Variants in PSIP1 observed in about 807,000 individuals in gnomAD.
PSIP1 encodes PC4 and SFRS1-interacting protein.
PSIP1 carries 19 observed loss-of-function variants against 74.7 expected under a neutral mutation model. That is an observed-to-expected ratio of 0.25 (90% CI 0.18 to 0.37). The LOEUF (loss-of-function observed/expected upper bound fraction) is 0.37, where lower values mean the gene tolerates loss of function less well. Among genes scored for constraint, PSIP1 ranks in the 10% least tolerant of loss-of-function variants. The pLI is 1.00. For missense variants in PSIP1, 601 were observed against 614.3 expected (o/e 0.98, Z 0.23); for synonymous variants, 222 against 195.3 (o/e 1.14, Z -1.14).
chr9:15,490,073 C>T lies in PSIP1; in HGVS notation c.201G>A (p.Lys67=). ...DIFPYSENKE[K]YGKPNKRKGF... is the part of the protein sequence containing the mutation. ...CTTTTCTTTTATTTGGTTTGCCATA[C>T]TTTTCCTTATTTTCTGAGTAAGGAA... is the stretch of plus-strand genomic sequence containing the variant. Residue 67 remains lysine (K), a synonymous_variant, in exon 4 of 16, where the codon AAG becomes AAA. Transcript: ENST00000380733. The T allele has an allele frequency of 1.2e-6, 2 of 1,605,224 alleles. No individual in the cohort carries two copies. The highest frequency in any genetic ancestry group is 2.2e-5 in the East Asian group (1 of 44,466).
chr9:15,510,615 G>A (rs908121987), intron 1 of PSIP1, among the ~76,000 whole-genome samples: 4 of 152,078 alleles, frequency 2.6e-5, no homozygotes, highest in Admixed American at 6.5e-5. Context: ...AAAGGGAGGG[G>A]GTGCATGGGA....
intron 1 of PSIP1, among the ~76,000 whole-genome samples, 190 bp downstream of exon 1, chr9:15,510,627 A>AG (rs1018660809): frequency 2.6e-4 from 40 of 151,850 alleles, no homozygotes; most frequent in African/African-American, 9.0e-4. Context: ...TGCATGGGAG[A>AG]GAAAAAGGCA....
chr9:15,482,580 C>G (rs1330131321), intron 6 of PSIP1, among the ~76,000 whole-genome samples: 2 of 152,138 alleles, frequency 1.3e-5, no homozygotes, highest in Non-Finnish European at 2.9e-5. Context: ...CCATCTCCTC[C>G]TTGTTAAGTC....
chr9:15,496,548 G>A (rs776236435), intron 3 of PSIP1, among the ~76,000 whole-genome samples: 5 of 152,018 alleles, frequency 3.3e-5, no homozygotes, highest in Middle Eastern at 3.2e-3. Context: ...CTCATTTTAC[G>A]TGTACCTTTT....
intron 3 of PSIP1, among the ~76,000 whole-genome samples, chr9:15,501,096 C>T (rs1344950682): frequency 6.6e-6 from 1 of 152,008 alleles, no homozygotes; most frequent in Non-Finnish European, 1.5e-5. Flanking sequence ...ATTATCCCCA[C>T]TTTACAAATG....
At position 15,478,495 on chromosome 9, in the gene PSIP1, C is replaced by T; in HGVS notation, c.611G>A (p.Cys204Tyr). ...RGRPKMVKQP[C>Y]PSESDIITEE... ...AACTCACATGTCACTCTCTGAAGGA[C>T]AGGGCTGTTTTACCATTTTGGGTCT... The change falls in exon 8 of 16, where the codon TGT becomes TAT. Residue 204 changes from cysteine to tyrosine, a missense_variant. Physicochemically the swap from Cys to Tyr is radical, Grantham distance 194 (BLOSUM62 -2). Around this residue, in one of 2 missense-constraint regions of PSIP1, gnomAD observed 538 missense variants for 507.6 expected, o/e 1.06. Transcript: ENST00000380733. 1 of 1,597,588 alleles carries T rather than the reference C, an allele frequency of 6.3e-7. No individual in the cohort carries two copies.
intron 3 of PSIP1, among the ~76,000 whole-genome samples, chr9:15,498,138 G>T (rs2037170514): frequency 6.6e-6 from 1 of 152,146 alleles, no homozygotes; most frequent in Non-Finnish European, 1.5e-5. Flanking sequence ...AGCCGGGAAT[G>T]GTGGCTCACA....
intron 10 of PSIP1, chr9:15,471,583 A>G (rs1315031541): frequency 2.1e-6 from 2 of 953,206 alleles, no homozygotes; most frequent in Admixed American, 1.2e-4. Context: ...AGAATAACTT[A>G]AATATTTACA....
chr9:15,498,983 G>GC (rs1554663321), intron 3 of PSIP1, among the ~76,000 whole-genome samples: 1 of 152,002 alleles, frequency 6.6e-6, no homozygotes, highest in Non-Finnish European at 1.5e-5. Flanking sequence ...CTTCTATATT[G>GC]TTTTTTAAAA....
intron 15 of PSIP1, 65 bp downstream of exon 15, chr9:15,466,683 C>G: frequency 1.6e-6 from 2 of 1,286,970 alleles, no homozygotes; most frequent in Non-Finnish European, 2.2e-6. Context: ...AACCTTGGAA[C>G]AGAACTGTGA....
intron 3 of PSIP1, among the ~76,000 whole-genome samples, chr9:15,492,698 C>G (rs1254139327): frequency 6.6e-6 from 1 of 152,214 alleles, no homozygotes; most frequent in African/African-American, 2.4e-5. Flanking sequence ...GTCCCTGCAG[C>G]AGACTTCTAC....
In PSIP1 at chr9:15,478,431, C is replaced by A; in HGVS notation, c.629+46G>T. 2.2e-6 allele frequency: 3 copies of A among 1,370,580 alleles called. No homozygotes were observed. The South Asian group carries it at 3.7e-5, about 17-fold the overall frequency. The allele number at this position is 1,370,580 out of a possible 1,614,324, so 84.9% of individuals were successfully genotyped here. A position where few individuals can be genotyped will look rare whatever the true frequency, so the allele number is the denominator to read the frequency against. Reference sequence around the variant, plus strand: ...GCAGAGATATGTGCTTGTTTAAAGTCAAATGTCTCATTTATTGCATAATTA... The same window carrying A: ...GCAGAGATATGTGCTTGTTTAAAGTAAAATGTCTCATTTATTGCATAATTA... On this transcript the variant is annotated intron_variant, in intron 8 of 15. Transcript: ENST00000380733.
At position 15,465,561 on chromosome 9, in the gene PSIP1, C is replaced by G; in HGVS notation, c.1552G>C (p.Glu518Gln). The change falls in exon 16 of 16, where the codon GAG (glutamate) becomes CAG (glutamine). Residue 518 changes from glutamate (E) to glutamine (Q), a missense_variant. Glu to Gln is a conservative substitution (Grantham distance 29). Coordinates refer to ENST00000380733, the MANE Select transcript of PSIP1 (RefSeq NM_033222.5). ...GAATCCTTCAGAGATATTTCAGTCT[C>G]TCTCTCTTCACTGGATGGCCTGAAG... ...TKKKPSSEERETEISLKDSTL... is the reference protein window; with the variant it reads ...TKKKPSSEERQTEISLKDSTL... 3.2e-6 allele frequency: 5 copies of G among 1,586,498 alleles called. No individual in the cohort carries two copies. Among genetic ancestry groups the G allele is most frequent in the Non-Finnish European group, 4.3e-6 (5 of 1,157,942 alleles).
chr9:15,501,042 A>G (rs1195801706), intron 3 of PSIP1, among the ~76,000 whole-genome samples: 1 of 152,222 alleles, frequency 6.6e-6, no homozygotes, highest in African/African-American at 2.4e-5. Context: ...AGCATTATTC[A>G]TGTCATGTCT....
chr9:15,473,981 A>T, intron 9 of PSIP1, 28 bp downstream of exon 9: 2 of 1,489,208 alleles, frequency 1.3e-6, no homozygotes, highest in Non-Finnish European at 1.8e-6. Flanking sequence ...AGAATAGAAC[A>T]GCCATTTTAT....
intron 3 of PSIP1, among the ~76,000 whole-genome samples, chr9:15,499,378 G>C (rs915451926): frequency 4.6e-5 from 7 of 152,180 alleles, no homozygotes; most frequent in African/African-American, 1.7e-4. Flanking sequence ...ATAATACTGA[G>C]GCAGCTCAAA....
At chr9:15,509,105 T>C (rs2037732448) in intron 2 of PSIP1, among the ~76,000 whole-genome samples, 1 of 152,222 alleles carries the variant, frequency 6.6e-6, no homozygotes, top group African/African-American at 2.4e-5. Context: ...AATGGGTGTT[T>C]TCCACCATTC....
chr9:15,470,827 T>C, intron 10 of PSIP1: 1 of 1,044,746 alleles, frequency 9.6e-7, no homozygotes, highest in Non-Finnish European at 1.2e-6. Flanking sequence ...ATAACTAGCT[T>C]CAAAACAAAA....
chr9:15,472,075 G>C, intron 10 of PSIP1: 1 of 979,770 alleles, frequency 1.0e-6, no homozygotes, highest in Non-Finnish European at 1.2e-6. Flanking sequence ...CCCATGGCAA[G>C]TCCTGTCTCT....
Sources: gnomAD v4.1 joint callset for allele counts (sites outside exome capture counted in the v4.1 genomes callset) on GRCh38, gnomAD v4.1.1 for gene constraint, gnomAD v4.1.1 regional missense constraint, MANE v1.5 for transcripts, NCBI Gene and HGNC (gene_info 2026-07-23, HGNC 2026-07-21) for gene names.